Variants in SYT9 observed in about 807,000 individuals in gnomAD.
SYT9 encodes the protein synaptotagmin-9.
SYT9 carries 22 observed loss-of-function variants against 48.4 expected under a neutral mutation model. The observed-to-expected ratio is 0.45, with a 90% CI of 0.32 to 0.65. The LOEUF is 0.65. Among genes scored for constraint, SYT9 ranks in the 30% least tolerant of loss-of-function variants. The pLI is 0.03. For missense variants in SYT9, 577 were observed against 622.0 expected (o/e 0.93, Z 0.77); for synonymous variants, 265 against 245.0 (o/e 1.08, Z -0.76).
intron 2 of SYT9, among the ~76,000 whole-genome samples, chr11:7,307,224 C>T (rs950300146): frequency 2.6e-5 from 4 of 152,150 alleles, no homozygotes; most frequent in African/African-American, 9.7e-5. Context: ...CCATGACTGG[C>T]CACAACTCAA....
chr11:7,419,029 G>A (rs756409909), intron 5 of SYT9, among the ~76,000 whole-genome samples: 37 of 152,208 alleles, frequency 2.4e-4, no homozygotes, highest in South Asian at 4.1e-4. Flanking sequence ...AGATGCCTGC[G>A]TGAAGCATGA....
intron 3 of SYT9, among the ~76,000 whole-genome samples, chr11:7,341,159 C>A (rs1423298683): frequency 6.6e-6 from 1 of 152,228 alleles, no homozygotes; most frequent in Non-Finnish European, 1.5e-5. Context: ...CATGAAAATG[C>A]AGTCTTCCTG....
exon 1 of SYT9, chr11:7,238,781 G>A: frequency 2.2e-6 from 1 of 452,648 alleles, no homozygotes; most frequent in Non-Finnish European, 4.4e-6. Flanking sequence ...CTCTCTTGCA[G>A]TCCTGAGCTT....
intron 3 of SYT9, among the ~76,000 whole-genome samples, chr11:7,345,750 G>T (rs1189646160): frequency 3.3e-5 from 5 of 152,170 alleles, no homozygotes; most frequent in Non-Finnish European, 5.9e-5. Context: ...TTAACAAATT[G>T]TCAACATATC....
intron 1 of SYT9, among the ~76,000 whole-genome samples, chr11:7,256,768 TC>T (rs1237842898): frequency 1.3e-5 from 2 of 152,190 alleles, no homozygotes; most frequent in African/African-American, 4.8e-5. Context: ...ATGTTCCAAC[TC>T]CATATTCTGG....
chr11:7,412,466 T>A (rs762120134), intron 3 of SYT9, among the ~76,000 whole-genome samples: 1 of 152,200 alleles, frequency 6.6e-6, no homozygotes, highest in Non-Finnish European at 1.5e-5. Context: ...GTGGTATCTG[T>A]GATTTATTTC....
chr11:7,451,842 C>A (rs1049299108), intron 6 of SYT9, among the ~76,000 whole-genome samples: 1 of 152,086 alleles, frequency 6.6e-6, no homozygotes, highest in Non-Finnish European at 1.5e-5. Context: ...ATAATGAGTC[C>A]TGATGACACT....
intron 1 of SYT9, among the ~76,000 whole-genome samples, chr11:7,281,731 A>C (rs1337914829): frequency 6.6e-6 from 1 of 152,240 alleles, no homozygotes; most frequent in African/African-American, 2.4e-5. Context: ...CTTATTAAAA[A>C]CAGACAGTGC....
At chr11:7,442,920 AACAC>A (rs1847854321) in intron 6 of SYT9, among the ~76,000 whole-genome samples, 1 of 152,190 alleles carries the variant, frequency 6.6e-6, no homozygotes, top group South Asian at 2.1e-4. Context: ...CAGTGATAAA[AACAC>A]ATGGCGCCTG....
chr11:7,379,334 G>A (rs1299664830), intron 3 of SYT9, among the ~76,000 whole-genome samples: 3 of 152,118 alleles, frequency 2.0e-5, no homozygotes, highest in Non-Finnish European at 4.4e-5. Flanking sequence ...GGTGCACCAA[G>A]GATTGAAAGG....
At chr11:7,309,925 C>A (rs1365209084) in intron 2 of SYT9, among the ~76,000 whole-genome samples, 1 of 152,136 alleles carries the variant, frequency 6.6e-6, no homozygotes, top group African/African-American at 2.4e-5. Flanking sequence ...GAAAGGGAGC[C>A]CCAGGAGTGA....
intron 1 of SYT9, among the ~76,000 whole-genome samples, chr11:7,259,187 C>T (rs890093822): frequency 6.6e-6 from 1 of 152,058 alleles, no homozygotes; most frequent in Non-Finnish European, 1.5e-5. Context: ...TGCGAAATAC[C>T]ATAGTACCTG....
chr11:7,414,185 G>T (rs867641429), intron 3 of SYT9, among the ~76,000 whole-genome samples: 1 of 152,148 alleles, frequency 6.6e-6, no homozygotes, highest in South Asian at 2.1e-4. Flanking sequence ...TGCACAGTGC[G>T]GGCCCTCAGG....
At chr11:7,256,014 A>T (rs566013413) in intron 1 of SYT9, among the ~76,000 whole-genome samples, 1 of 152,280 alleles carries the variant, frequency 6.6e-6, no homozygotes, top group South Asian at 2.1e-4. Context: ...ATGGATCTTG[A>T]TTATACTTTT....
At chr11:7,283,147 GTATA>G (rs35272670) in intron 1 of SYT9, among the ~76,000 whole-genome samples, 9 of 139,888 alleles carry the variant, frequency 6.4e-5, no homozygotes, top group Non-Finnish European at 7.7e-5. Flanking sequence ...GTATGTGTGT[GTATA>G]TATATATATA....
intron 3 of SYT9, among the ~76,000 whole-genome samples, chr11:7,344,139 T>G (rs1175253972): frequency 2.6e-5 from 4 of 152,194 alleles, no homozygotes; most frequent in Non-Finnish European, 5.9e-5. Context: ...TGTGAACACT[T>G]CCACACTTGA....
At chr11:7,347,631 G>A (rs6578849) in intron 3 of SYT9, among the ~76,000 whole-genome samples, 81,359 of 151,980 alleles carry the variant, frequency 0.54, 23,056 homozygotes, top group East Asian at 0.77. Flanking sequence ...GAACTGGGGA[G>A]TCAGGAAGAT....
chr11:7,330,136 G>A (rs1379663793), intron 3 of SYT9, among the ~76,000 whole-genome samples: 1 of 152,056 alleles, frequency 6.6e-6, no homozygotes, highest in Non-Finnish European at 1.5e-5. Flanking sequence ...ACAAAAACTG[G>A]AAACAACCTA....
chr11:7,270,859 A>G (rs1004908843), intron 1 of SYT9, among the ~76,000 whole-genome samples: 16 of 150,482 alleles, frequency 1.1e-4, no homozygotes, highest in Middle Eastern at 3.4e-3. Flanking sequence ...ACACACACAC[A>G]CACACACACA....
Sources: gnomAD v4.1 joint callset for allele counts (sites outside exome capture counted in the v4.1 genomes callset) on GRCh38, gnomAD v4.1.1 for gene constraint, MANE v1.5 for transcripts, NCBI Gene and HGNC (gene_info 2026-07-23, HGNC 2026-07-21) for gene names.